SERPINH1: variants seen among roughly 807,000 people sequenced by gnomAD.
SERPINH1 encodes the protein serpin family H member 1, also known as serpin H1.
A neutral mutation model predicts 32.3 loss-of-function variants in SERPINH1; 22 were observed. The observed-to-expected ratio is 0.68, with a 90% confidence interval of 0.49 to 0.97. The LOEUF is 0.97. Ranked by LOEUF, SERPINH1 falls within the 50% of genes least tolerant of loss-of-function variation. The pLI, the probability that SERPINH1 is intolerant of heterozygous loss-of-function variation, is 0.00. For synonymous variants in SERPINH1, 251 were observed against 245.9 expected (o/e 1.02, Z -0.19); for missense variants, 543 against 576.4 (o/e 0.94, Z 0.59).
intron 2 of SERPINH1, 89 bp from the exon 3 acceptor site, chr11:75,568,642 C>G (rs1470525412): frequency 2.4e-6 from 2 of 829,842 alleles, no homozygotes; most frequent in African/African-American, 3.3e-5. Context: ...AAGGATAAAT[C>G]AAGGTCTGCA....
intron 2 of SERPINH1, 168 bp from the exon 3 acceptor site, chr11:75,568,563 G>A (rs1942133836): frequency 1.5e-6 from 1 of 679,368 alleles, no homozygotes; most frequent in Non-Finnish European, 2.7e-6. Flanking sequence ...TCCCAAAGCT[G>A]GGAACATAGA....
In SERPINH1 at chr11:75,568,868, G is replaced by T. The variant is rs534877216; in HGVS notation, c.721+39G>T. On this transcript the variant is annotated intron_variant, in intron 3 of 4. Coordinates refer to ENST00000358171, the MANE Select transcript of SERPINH1 (RefSeq NM_001235.5). Reference sequence around the variant, plus strand: ...GGAGCAGGGTGTCAAGGTGGGTGGGGGTCCAAGGGTAGTTGGTCTGACCCA... The same window carrying T: ...GGAGCAGGGTGTCAAGGTGGGTGGGTGTCCAAGGGTAGTTGGTCTGACCCA... 6.9e-6 allele frequency: 11 copies of T among 1,602,092 alleles called. No homozygotes were observed. The East Asian group carries it at 1.8e-4, about 26-fold the overall frequency.
At chr11:75,567,315 C>CT (rs1299011071) in intron 2 of SERPINH1, among the ~76,000 whole-genome samples, 1 of 152,152 alleles carries the variant, frequency 6.6e-6, no homozygotes, top group African/African-American at 2.4e-5. Context: ...AACTCAAATC[C>CT]TTTTTTTAAA....
At position 75,572,526 on chromosome 11, in the gene SERPINH1, A is replaced by C. The variant is rs1473651008; in HGVS notation, c.*443A>C. ...TCCCAACTATAAAACTAGGTGCTGC[A>C]GCCCCTGGGACCAGGCACCCCCAGA... On this transcript the variant is annotated 3_prime_UTR_variant, in exon 5 of 5. Coordinates refer to ENST00000358171, the MANE Select transcript of SERPINH1 (RefSeq NM_001235.5). The C allele has an allele frequency of 4.2e-6, 1 of 235,302 alleles. No homozygotes were observed. Among genetic ancestry groups the C allele is most frequent in the African/African-American group, 2.2e-5 (1 of 44,774 alleles). The allele number at this position is 235,302 out of a possible 1,614,324, so 14.6% of individuals were successfully genotyped here. A position where few individuals can be genotyped will look rare whatever the true frequency, so the allele number is the denominator to read the frequency against.
intron 4 of SERPINH1, among the ~76,000 whole-genome samples, chr11:75,569,837 G>A (rs1301136236): frequency 1.3e-5 from 2 of 152,186 alleles, no homozygotes; most frequent in Non-Finnish European, 2.9e-5. Flanking sequence ...CCTGTGCAAA[G>A]TCACACAGCT....
chr11:75,570,236 C>A (rs763357569), intron 4 of SERPINH1, among the ~76,000 whole-genome samples: 7 of 152,168 alleles, frequency 4.6e-5, no homozygotes, highest in Non-Finnish European at 1.0e-4. Context: ...ATGGTTCTCA[C>A]CTGCAGAATC....
At chr11:75,571,399 T>G (rs1942192456) in intron 4 of SERPINH1, among the ~76,000 whole-genome samples, 2 of 152,192 alleles carry the variant, frequency 1.3e-5, no homozygotes, top group Admixed American at 1.3e-4. Context: ...TGAAAAGGAA[T>G]CCATGCCCAC....
intron 4 of SERPINH1, among the ~76,000 whole-genome samples, chr11:75,570,024 C>T (rs1490622473): frequency 6.6e-6 from 1 of 151,884 alleles, no homozygotes; most frequent in Non-Finnish European, 1.5e-5. Context: ...TCTCAAGATT[C>T]TCCCTTGCAA....
In SERPINH1 at chr11:75,566,808, C is replaced by G. The variant is rs1467115947; in HGVS notation, c.459C>G (p.His153Gln). The G allele has an allele frequency of 1.2e-6, 2 of 1,613,248 alleles. No individual in the cohort carries two copies. Among genetic ancestry groups the G allele is most frequent in the African/African-American group, 1.3e-5 (1 of 75,068 alleles). ...ACTTCGTGCGCAGCAGCAAGCAGCA[C>G]TACAACTGCGAGCACTCCAAGATCA... ...ADDFVRSSKQ[H>Q]YNCEHSKINF... Residue 153 changes from histidine to glutamine, a missense_variant, in exon 2 of 5, where the codon CAC (histidine) becomes CAG (glutamine). Transcript: ENST00000358171.
In SERPINH1 at chr11:75,566,524, G is replaced by A. The variant is rs1942079197; in HGVS notation, c.175G>A (p.Ala59Thr). The A allele has an allele frequency of 6.2e-7, 1 of 1,612,138 alleles. No homozygotes were observed. Among genetic ancestry groups the A allele is most frequent in the Non-Finnish European group, 8.5e-7 (1 of 1,179,780 alleles). The change falls in exon 2 of 5, where the codon GCC becomes ACC. Residue 59 changes from alanine (A) to threonine (T), a missense_variant. Coordinates refer to ENST00000358171, the MANE Select transcript of SERPINH1 (RefSeq NM_001235.5). ...GLAFSLYQAM[A>T]KDQAVENILV... Reference sequence around the variant, plus strand: ...GGCCTTCAGCTTGTACCAGGCCATGGCCAAGGACCAGGCAGTGGAGAACAT... The same window carrying A: ...GGCCTTCAGCTTGTACCAGGCCATGACCAAGGACCAGGCAGTGGAGAACAT...
intron 2 of SERPINH1, 61 bp downstream of exon 2, chr11:75,567,032 G>T: frequency 6.5e-7 from 1 of 1,547,908 alleles, no homozygotes; most frequent in South Asian, 1.2e-5. Context: ...GCAAGAGTTA[G>T]GACGACATTC....
Position 75,566,541 on chromosome 11 carries a change from G to A in SERPINH1, c.192G>A (p.Val64=), listed in dbSNP as rs756847184. The change falls in exon 2 of 5, where the codon GTG becomes GTA. Residue 64 remains valine (V), a synonymous_variant. Transcript: ENST00000358171. ...AGGCCATGGCCAAGGACCAGGCAGT[G>A]GAGAACATCCTGGTGTCACCCGTGG... ...LYQAMAKDQA[V]ENILVSPVVV... is the part of the protein sequence containing the mutation. 28 of 1,611,790 alleles carry A rather than the reference G, an allele frequency of 1.7e-5. No homozygotes were observed. In the South Asian group the frequency reaches 2.9e-4, roughly 16 times the overall value.
At position 75,568,691 on chromosome 11, in the gene SERPINH1, G is replaced by A. The variant is rs765845876; in HGVS notation, c.623-40G>A. On this transcript the variant is annotated intron_variant, in intron 2 of 4. Coordinates refer to ENST00000358171, the MANE Select transcript of SERPINH1 (RefSeq NM_001235.5). ...GTGGGCTGTGATTGTGTTTGGGGGC[G>A]GCCATGTGTCTCTGACCCTGTGTTT... 25 of 1,355,144 alleles carry A rather than the reference G, an allele frequency of 1.8e-5. 1 individual carries two copies. Among genetic ancestry groups the A allele is most frequent in the South Asian group, 1.2e-4 (10 of 85,642 alleles). The allele number at this position is 1,355,144 out of a possible 1,614,324, so 83.9% of individuals were successfully genotyped here. A position where few individuals can be genotyped will look rare whatever the true frequency, so the allele number is the denominator to read the frequency against.
At chr11:75,563,644 G>C (rs1469149629) in intron 1 of SERPINH1, 9 of 152,886 alleles carry the variant, frequency 5.9e-5, no homozygotes, top group African/African-American at 2.2e-4. Context: ...ATTGGGGACT[G>C]GTTGTGCCCT....
At chr11:75,567,510 C>T (rs868060466) in intron 2 of SERPINH1, among the ~76,000 whole-genome samples, 5 of 152,128 alleles carry the variant, frequency 3.3e-5, no homozygotes, top group Non-Finnish European at 7.3e-5. Context: ...TTACTAGAGA[C>T]GGGGTTTTGC....
chr11:75,572,751 A>AT lies in SERPINH1; in HGVS notation c.*678dup, dbSNP rs397761622. On this transcript the variant is annotated 3_prime_UTR_variant, in exon 5 of 5. Coordinates refer to ENST00000358171, the MANE Select transcript of SERPINH1 (RefSeq NM_001235.5). ...TATCAATCCAAGAACTTATTTGTAC[A>AT]TTTTTTTTTTCAATAAAACTTTTCC... 1,878 of 150,978 alleles carry AT rather than the reference A, an allele frequency of 0.012. 26 individuals carry two copies. The highest frequency in any genetic ancestry group is 0.03 in the African/African-American group (1,246 of 40,856). The allele number at this position is 150,978 out of a possible 1,614,324, so 9.4% of individuals were successfully genotyped here.
chr11:75,566,186 T>C (rs2135550763), intron 1 of SERPINH1, 130 bp from the exon 2 acceptor site: 2 of 784,118 alleles, frequency 2.6e-6, no homozygotes, highest in East Asian at 5.4e-5. Flanking sequence ...GAGTCAAGTC[T>C]GGGATTCCTG....
In SERPINH1 at chr11:75,566,366, T is replaced by G; in HGVS notation, c.17T>G (p.Leu6Arg). 3 of 1,610,078 alleles carry G rather than the reference T, an allele frequency of 1.9e-6. No individual in the cohort carries two copies. The highest frequency in any genetic ancestry group is 2.5e-6 in the Non-Finnish European group (3 of 1,178,912). Residue 6 changes from leucine (L) to arginine (R), a missense_variant, in exon 2 of 5, where the codon CTT (leucine) becomes CGT (arginine). Physicochemically the swap from Leu to Arg is moderately radical, Grantham distance 102 (BLOSUM62 -2). This residue lies in a region of SERPINH1 where 109 missense variants were observed against 102.4 expected (regional missense o/e 1.06). Coordinates refer to ENST00000358171, the MANE Select transcript of SERPINH1 (RefSeq NM_001235.5). The stretch of plus-strand genomic sequence containing the variant: ...TTCCTGGCCATGCGCTCCCTCCTGC[T>G]TCTCAGCGCCTTCTGCCTCCTGGAG... MRSLL[L>R]LSAFCLLEAA...
intron 1 of SERPINH1, among the ~76,000 whole-genome samples, chr11:75,564,658 T>C (rs1293748325): frequency 6.6e-6 from 1 of 152,182 alleles, no homozygotes; most frequent in Non-Finnish European, 1.5e-5. Context: ...TCTTGGGGTT[T>C]ATTCTAGGCC....
Sources: gnomAD v4.1 joint callset for allele counts (sites outside exome capture counted in the v4.1 genomes callset) on GRCh38, gnomAD v4.1.1 for gene constraint, gnomAD v4.1.1 regional missense constraint, MANE v1.5 for transcripts, NCBI Gene and HGNC (gene_info 2026-07-23, HGNC 2026-07-21) for gene names.